SHBG: variants seen among roughly 807,000 people sequenced by gnomAD.
The protein encoded by SHBG is sex hormone binding globulin.
Under a neutral mutation model 41.9 loss-of-function variants are expected in SHBG, and 37 were observed. The ratio of observed to expected loss-of-function variants is 0.88; its 90% CI spans 0.68 to 1.16. The LOEUF (loss-of-function observed/expected upper bound fraction) is 1.16, where lower values mean the gene tolerates loss of function less well. Ranked by LOEUF, SHBG falls within the 50% of genes most tolerant of loss-of-function variation. The probability of loss-of-function intolerance (pLI) is 0.00; values close to 1 mark genes in which losing one functional copy is unlikely to be tolerated. For synonymous variants in SHBG, 217 were observed against 205.8 expected, an observed-to-expected ratio of 1.05 and a Z score of -0.47; for missense variants, 466 against 499.9, an observed-to-expected ratio of 0.93 and a Z score of 0.65.
At chr17:7,614,162 G>A in intron 1 of SHBG, 1 of 635,776 alleles carries the variant, frequency 1.6e-6, no homozygotes, top group East Asian at 3.2e-5. Context: ...CTGGGTAAAG[G>A]GGTCTCTCCT....
At chr17:7,631,071 A>C (rs1400510946) in intron 3 of SHBG, 129 bp from the exon 4 acceptor site, 8 of 1,047,814 alleles carry the variant, frequency 7.6e-6, no homozygotes, top group Non-Finnish European at 1.1e-5. Flanking sequence ...GAGCTGAGTG[A>C]CCCAAGGCCA....
chr17:7,614,424 G>C, intron 1 of SHBG: 1 of 1,490,596 alleles, frequency 6.7e-7, no homozygotes, highest in Non-Finnish European at 9.0e-7. Flanking sequence ...GCTAAGGACC[G>C]GCGTCCCCAG....
At chr17:7,616,590 A>C (rs1017015442) in intron 1 of SHBG, among the ~76,000 whole-genome samples, 4 of 150,004 alleles carry the variant, frequency 2.7e-5, no homozygotes, top group African/African-American at 9.9e-5. Flanking sequence ...GTGCCACTGC[A>C]CTCCAGCTGG....
At chr17:7,627,527 C>T, upstream of SHBG, 1 of 1,560,630 alleles carries the variant, frequency 6.4e-7, no homozygotes, top group Non-Finnish European at 8.8e-7. This position sits in a 1 kb window ranked among gnomAD's most constrained non-coding sequence, Gnocchi z 4.8. Context: ...CCCGCTCTGG[C>T]CGCGCCACTC....
upstream of SHBG, chr17:7,626,821 T>C (rs925930879): frequency 6.2e-7 from 1 of 1,613,216 alleles, no homozygotes; most frequent in Admixed American, 1.7e-5. Context: ...AGGCAAAAAA[T>C]AGCTATTGTT....
chr17:7,625,982 T>C (rs1160515432), upstream of SHBG, among the ~76,000 whole-genome samples: 4 of 149,354 alleles, frequency 2.7e-5, no homozygotes, highest in Admixed American at 2.7e-4. Flanking sequence ...GGCGGACGGA[T>C]CACGAGATCA....
intron 1 of SHBG, among the ~76,000 whole-genome samples, chr17:7,618,723 A>G (rs2072036793): frequency 6.6e-6 from 1 of 152,216 alleles, no homozygotes; most frequent in South Asian, 2.1e-4. Context: ...AAGAGTAAAC[A>G]TAGAAAGAGG....
chr17:7,616,885 C>A (rs2072003903), intron 1 of SHBG, among the ~76,000 whole-genome samples: 1 of 151,574 alleles, frequency 6.6e-6, no homozygotes, highest in African/African-American at 2.4e-5. Context: ...GCAGTGAGCC[C>A]AGATTGTGCC....
chr17:7,631,709 T>C lies in SHBG; in HGVS notation c.676T>C (p.Phe226Leu). The stretch of plus-strand genomic sequence containing the variant: ...TGATGTAGAATCAAATCCCGGGATA[T>C]TTCTCCCTCCAGGGACTCAGGCAGA... ...SCDVESNPGIFLPPGTQAEFN... is the reference protein window; with the variant it reads ...SCDVESNPGILLPPGTQAEFN... The change falls in exon 5 of 8, where the codon TTT becomes CTT. Residue 226 changes from phenylalanine to leucine, a missense_variant. Coordinates refer to ENST00000380450, the MANE Select transcript of SHBG (RefSeq NM_001040.5). The C allele has an allele frequency of 6.2e-7, 1 of 1,614,048 alleles. No homozygotes were observed. The highest frequency in any genetic ancestry group is 1.3e-5 in the African/African-American group (1 of 75,032).
At position 7,617,307 on chromosome 17, in the gene SHBG, A is replaced by C. The variant is rs1038385366; in HGVS notation, c.-62+3196A>C. On this transcript the variant is annotated intron_variant, in intron 1 of 5. Transcript: ENST00000570547. ...ATTATTAATATTTATAATAATTATT[A>C]ATATTGCAACCATGGCCAGGCACAG... Among the ~76,000 whole-genome samples, 8 of 152,064 alleles carry C rather than the reference A, an allele frequency of 5.3e-5. No individual in the cohort carries two copies. In the East Asian group the frequency reaches 7.7e-4, roughly 15 times the overall value.
chr17:7,626,675 C>T (rs2072217994), upstream of SHBG: 17 of 1,611,710 alleles, frequency 1.1e-5, no homozygotes, highest in Admixed American at 1.0e-4. Flanking sequence ...TTTCTCACTC[C>T]CTCTTTCAAC....
At chr17:7,627,976 G>C (rs1295861041), upstream of SHBG, 5 of 528,566 alleles carry the variant, frequency 9.5e-6, no homozygotes, top group East Asian at 4.8e-5. This position sits in a 1 kb window ranked among gnomAD's most constrained non-coding sequence, Gnocchi z 4.8. Context: ...CTTGTGACTG[G>C]GCTCCTGGGT....
Position 7,632,695 on chromosome 17 carries a change from T to C in SHBG, c.853-57T>C, listed in dbSNP as rs919199673. 4.8e-5 allele frequency: 67 copies of C among 1,382,952 alleles called. No individual in the cohort carries two copies. The Admixed American group carries it at 1.0e-3, about 21-fold the overall frequency. 85.7% of individuals were successfully genotyped at this position (1,382,952 alleles called of 1,614,324 possible). A position where few individuals can be genotyped will look rare whatever the true frequency, so the allele number is the denominator to read the frequency against. ...CAGCTAGGGGTGAGGCCACAGGCAGTAGGCCCGGCTCATTCTTCCCTCTCT... is the reference window on the plus strand; with the variant it reads ...CAGCTAGGGGTGAGGCCACAGGCAGCAGGCCCGGCTCATTCTTCCCTCTCT... On this transcript the variant is annotated intron_variant, in intron 6 of 7. Transcript: ENST00000380450.
chr17:7,626,674 C>A, upstream of SHBG: 2 of 1,611,674 alleles, frequency 1.2e-6, no homozygotes, highest in Non-Finnish European at 1.7e-6. Context: ...TTTTCTCACT[C>A]CCTCTTTCAA....
chr17:7,628,963 G>A (rs2072312960), upstream of SHBG, among the ~76,000 whole-genome samples: 1 of 152,164 alleles, frequency 6.6e-6, no homozygotes, highest in Admixed American at 6.5e-5. Context: ...GGCTGAGACA[G>A]GAGAATCGCT....
intron 1 of SHBG, among the ~76,000 whole-genome samples, chr17:7,621,121 A>ATAAAGAAATAAATTAAATTTAAAT (rs2072088154): frequency 8.3e-6 from 1 of 120,002 alleles, no homozygotes; most frequent in African/African-American, 3.3e-5. Context: ...AAAAAAAAAA[A>ATAAAGAAATAAATTAAATTTAAAT]AATCAAGATT....
At chr17:7,630,105 G>T, upstream of SHBG, 2 of 1,359,764 alleles carry the variant, frequency 1.5e-6, no homozygotes, top group African/African-American at 1.4e-5. The surrounding 1 kb of genome is among the most constrained non-coding windows in gnomAD (Gnocchi z 4.6). Flanking sequence ...CCGCCCACAC[G>T]CAAGGCTGCC....
upstream of SHBG, among the ~76,000 whole-genome samples, chr17:7,625,511 A>C (rs1425014400): frequency 6.6e-6 from 1 of 151,774 alleles, no homozygotes; most frequent in Non-Finnish European, 1.5e-5. Context: ...CAAGAGGCAA[A>C]GCTTGCAGTG....
upstream of SHBG, chr17:7,626,187 C>T: frequency 3.2e-6 from 1 of 313,288 alleles, no homozygotes; most frequent in South Asian, 3.8e-5. Flanking sequence ...GAGACTCTGT[C>T]TCAAAAAAAA....
Sources: gnomAD v4.1 joint callset for allele counts (sites outside exome capture counted in the v4.1 genomes callset) on GRCh38, gnomAD v4.1.1 for gene constraint, Gnocchi (gnomAD v3.1) non-coding constraint, MANE v1.5 for transcripts, NCBI Gene and HGNC (gene_info 2026-07-23, HGNC 2026-07-21) for gene names.